The following CA10 variants were observed in gnomAD, a reference collection of about 807,000 sequenced individuals.
CA10 encodes the protein carbonic anhydrase 10 (inactive), also known as carbonic anhydrase-related protein 10.
Under a neutral mutation model 44.2 loss-of-function variants are expected in CA10, and 14 were observed. The observed-to-expected ratio is 0.32, with a 90% CI of 0.21 to 0.50. CA10 has a LOEUF of 0.50. CA10 is among the 20% of genes least tolerant of loss of function. CA10 has a pLI of 0.99. For missense variants in CA10, 350 were observed against 409.7 expected, an observed-to-expected ratio of 0.85 and a Z score of 1.26; for synonymous variants, 159 against 141.6, an observed-to-expected ratio of 1.12 and a Z score of -0.87.
At chr17:52,023,046 C>A (rs529871719) in intron 2 of CA10, among the ~76,000 whole-genome samples, 1 of 152,058 alleles carries the variant, frequency 6.6e-6, no homozygotes, top group Non-Finnish European at 1.5e-5. Context: ...AAGCAATCTA[C>A]AGATTTGATG....
intron 5 of CA10, among the ~76,000 whole-genome samples, chr17:51,652,764 G>A (rs1357517608): frequency 6.6e-6 from 1 of 152,142 alleles, no homozygotes; most frequent in Non-Finnish European, 1.5e-5. Flanking sequence ...TTCCCTGGTG[G>A]CAGTTTTGAT....
intron 1 of CA10, among the ~76,000 whole-genome samples, chr17:52,094,127 C>T (rs1334954374): frequency 6.6e-6 from 1 of 152,056 alleles, no homozygotes; most frequent in Non-Finnish European, 1.5e-5. Context: ...CGGAACATCA[C>T]ACACTGGAGC....
intron 4 of CA10, among the ~76,000 whole-genome samples, chr17:51,698,882 A>T (rs1429529757): frequency 1.3e-5 from 2 of 152,110 alleles, no homozygotes; most frequent in Non-Finnish European, 2.9e-5. Flanking sequence ...AAATGGCAGG[A>T]TTTCCTTTGT....
intron 3 of CA10, among the ~76,000 whole-genome samples, chr17:51,901,300 T>A (rs1031924347): frequency 6.6e-6 from 1 of 152,128 alleles, no homozygotes; most frequent in African/African-American, 2.4e-5. Context: ...AGCTTAGTAT[T>A]TCTGGGCTGT....
chr17:52,101,874 C>A (rs963759503), intron 1 of CA10, among the ~76,000 whole-genome samples: 1 of 152,106 alleles, frequency 6.6e-6, no homozygotes, highest in African/African-American at 2.4e-5. Context: ...ATAATGAACA[C>A]CTAAATTAAT....
At chr17:52,150,547 C>G (rs975914843) in intron 1 of CA10, among the ~76,000 whole-genome samples, 5 of 152,120 alleles carry the variant, frequency 3.3e-5, no homozygotes, top group African/African-American at 1.2e-4. Context: ...TCTCTACACT[C>G]ATTTTATAGT....
chr17:52,133,542 T>C (rs902087962), intron 1 of CA10, among the ~76,000 whole-genome samples: 2 of 152,118 alleles, frequency 1.3e-5, no homozygotes, highest in Non-Finnish European at 2.9e-5. Context: ...AACAGTTGCA[T>C]ATCAGAAACT....
chr17:51,635,989 C>G lies in CA10; in HGVS notation c.655G>C (p.Gly219Arg). 1 of 1,580,660 alleles carries G rather than the reference C, an allele frequency of 6.3e-7. No individual in the cohort carries two copies. Among genetic ancestry groups the G allele is most frequent in the Non-Finnish European group, 8.6e-7 (1 of 1,161,912 alleles). The change falls in exon 7 of 9, where the codon GGG (glycine) becomes CGG (arginine). Residue 219 changes from glycine (G) to arginine (R), a missense_variant. By Grantham distance (125) the Gly-to-Arg change is moderately radical. Transcript: ENST00000451037. ...TYKNDAYLLQ[G>R]LNIEELYPET... Reference sequence around the variant, plus strand: ...GGATATAGTTCCTCTATATTAAGCCCCTGTAGTAAATATGCATCATCTAGA... The same window carrying G: ...GGATATAGTTCCTCTATATTAAGCCGCTGTAGTAAATATGCATCATCTAGA...
chr17:51,651,241 G>C (rs1913552336), intron 5 of CA10, among the ~76,000 whole-genome samples: 1 of 152,158 alleles, frequency 6.6e-6, no homozygotes, highest in Non-Finnish European at 1.5e-5. Context: ...TGCACCCTTA[G>C]GGACCAAGAG....
intron 2 of CA10, among the ~76,000 whole-genome samples, chr17:52,054,165 A>C (rs528874195): frequency 6.6e-5 from 10 of 152,284 alleles, no homozygotes; most frequent in African/African-American, 2.4e-4. Context: ...AGCAAATAGG[A>C]GAAATATCGC....
chr17:52,088,203 C>G (rs1988168565), intron 1 of CA10, among the ~76,000 whole-genome samples: 1 of 152,024 alleles, frequency 6.6e-6, no homozygotes, highest in South Asian at 2.1e-4. Flanking sequence ...TGTAACAAAC[C>G]TGCACATGTA....
chr17:51,992,179 TTG>T (rs1985066299), intron 2 of CA10, among the ~76,000 whole-genome samples: 1 of 152,114 alleles, frequency 6.6e-6, no homozygotes, highest in Non-Finnish European at 1.5e-5. Context: ...CACTGTCCTG[TTG>T]TGTCCATAAG....
chr17:51,694,002 C>T (rs982922044), intron 4 of CA10, among the ~76,000 whole-genome samples: 6 of 152,034 alleles, frequency 3.9e-5, no homozygotes, highest in Admixed American at 1.3e-4. Context: ...GTTGAGAGTT[C>T]GAGACCAGCC....
At chr17:51,665,882 G>A in intron 4 of CA10, among the ~76,000 whole-genome samples, 1 of 152,232 alleles carries the variant, frequency 6.6e-6, no homozygotes, top group Non-Finnish European at 1.5e-5. Context: ...CAAAGTTTCA[G>A]TAGGCAGCAT....
intron 2 of CA10, among the ~76,000 whole-genome samples, chr17:52,026,481 G>C (rs1023867346): frequency 6.6e-6 from 1 of 152,040 alleles, no homozygotes; most frequent in African/African-American, 2.4e-5. Flanking sequence ...CTAGAGCAGC[G>C]GTTCCCAACT....
At chr17:52,018,404 A>G (rs982736217) in intron 2 of CA10, among the ~76,000 whole-genome samples, 2 of 152,164 alleles carry the variant, frequency 1.3e-5, no homozygotes, top group African/African-American at 2.4e-5. Context: ...TTAGGAGGCC[A>G]TCCCTCATAC....
At chr17:51,711,371 TACC>T (rs1286048666) in intron 4 of CA10, among the ~76,000 whole-genome samples, 1 of 152,204 alleles carries the variant, frequency 6.6e-6, no homozygotes, top group African/African-American at 2.4e-5. Flanking sequence ...ACTGTTTCCT[TACC>T]CTCAGTACAA....
chr17:52,140,419 A>G (rs1989453482), intron 1 of CA10, among the ~76,000 whole-genome samples: 1 of 152,244 alleles, frequency 6.6e-6, no homozygotes, highest in Non-Finnish European at 1.5e-5. Context: ...GATACTAGAC[A>G]GTACATAAAT....
intron 3 of CA10, among the ~76,000 whole-genome samples, chr17:51,885,237 GC>G (rs1413781945): frequency 1.3e-5 from 2 of 152,056 alleles, no homozygotes; most frequent in African/African-American, 4.8e-5. Flanking sequence ...TGGGTGGGAT[GC>G]AACCCATAAA....
Sources: allele counts gnomAD v4.1 joint callset (sites outside exome capture counted in the v4.1 genomes callset), GRCh38; gene constraint gnomAD v4.1.1; transcripts MANE v1.5; gene names NCBI Gene and HGNC (gene_info 2026-07-23, HGNC 2026-07-21).